Variants in ABCC1 observed in about 807,000 individuals in gnomAD.
ABCC1 encodes the protein multidrug resistance-associated protein 1.
A neutral mutation model predicts 172.9 loss-of-function variants in ABCC1; 83 were observed. The ratio of observed to expected loss-of-function variants is 0.48; its 90% CI spans 0.40 to 0.58. The LOEUF (loss-of-function observed/expected upper bound fraction) is 0.58. ABCC1 is among the 20% of genes least tolerant of loss of function. The pLI is 0.00. For missense variants in ABCC1, 1,817 were observed against 2,002.7 expected, an observed-to-expected ratio of 0.91 and a Z score of 1.77; for synonymous variants, 937 against 825.2, an observed-to-expected ratio of 1.14 and a Z score of -2.32.
At chr16:15,992,684 A>G (rs950694075) in intron 1 of ABCC1, among the ~76,000 whole-genome samples, 4 of 152,192 alleles carry the variant, frequency 2.6e-5, no homozygotes, top group Non-Finnish European at 5.9e-5. Context: ...TACAGGCGTG[A>G]GCCACTGTGC....
At chr16:16,124,660 ACTCT>A (rs2045356259) in intron 24 of ABCC1, 125 bp from the exon 25 acceptor site, 1 of 1,333,980 alleles carries the variant, frequency 7.5e-7, no homozygotes, top group Non-Finnish European at 1.0e-6. Flanking sequence ...GCCAGGAAGG[ACTCT>A]CTCTGGAATT....
intron 1 of ABCC1, among the ~76,000 whole-genome samples, chr16:15,983,877 A>G (rs1462830376): frequency 1.3e-5 from 2 of 152,016 alleles, no homozygotes; most frequent in African/African-American, 4.8e-5. Context: ...TTTAAAGACT[A>G]AATTCCCTTA....
intron 27 of ABCC1, among the ~76,000 whole-genome samples, chr16:16,132,523 T>G (rs1163051651): frequency 1.7e-3 from 214 of 126,322 alleles, no homozygotes; most frequent in African/African-American, 5.8e-3. Flanking sequence ...TTTTTTTTTT[T>G]TTTTTTTTTT....
chr16:16,122,253 C>T, intron 24 of ABCC1, 79 bp downstream of exon 24: 1 of 1,510,020 alleles, frequency 6.6e-7, no homozygotes. Flanking sequence ...CTTTTCCTCG[C>T]ACCTTGAGCT....
intron 1 of ABCC1, among the ~76,000 whole-genome samples, chr16:15,956,695 A>G (rs2046005414): frequency 6.6e-6 from 1 of 152,192 alleles, no homozygotes; most frequent in South Asian, 2.1e-4. Flanking sequence ...CAAGGTAGAG[A>G]AAAGAAAATG....
intron 1 of ABCC1, among the ~76,000 whole-genome samples, chr16:15,982,846 G>A (rs1021420001): frequency 3.0e-5 from 4 of 132,780 alleles, no homozygotes; most frequent in African/African-American, 8.1e-5. Context: ...CTTAGCCTGT[G>A]TGCTGTACAA....
intron 28 of ABCC1, among the ~76,000 whole-genome samples, chr16:16,135,066 T>G (rs987436053): frequency 2.0e-5 from 3 of 152,208 alleles, no homozygotes; most frequent in Non-Finnish European, 4.4e-5. Context: ...AGGGGTAGTT[T>G]CAGAGCATCT....
intron 24 of ABCC1, among the ~76,000 whole-genome samples, chr16:16,122,651 C>T (rs2045220288): frequency 6.8e-6 from 1 of 147,564 alleles, no homozygotes; most frequent in Non-Finnish European, 1.5e-5. Context: ...GAGGCTGAGG[C>T]AGGAGGATCC....
At position 16,068,342 on chromosome 16, in the gene ABCC1, T is replaced by C. The variant is rs1002773851; in HGVS notation, c.1824+40T>C. ...TGGGGCGACTTCCGAGAGGGGGCCTTGGGGTTCTAGGCCACGAAAGCATGG... is the reference window on the plus strand; with the variant it reads ...TGGGGCGACTTCCGAGAGGGGGCCTCGGGGTTCTAGGCCACGAAAGCATGG... On this transcript the variant is annotated intron_variant, in intron 13 of 30. Transcript: ENST00000399410. The C allele has an allele frequency of 1.9e-6, 3 of 1,608,834 alleles. No homozygotes were observed. In the South Asian group the frequency reaches 3.3e-5, roughly 18 times the overall value.
chr16:16,127,710 C>CCTCT (rs1430201584), intron 26 of ABCC1, among the ~76,000 whole-genome samples: 2 of 152,200 alleles, frequency 1.3e-5, no homozygotes, highest in Admixed American at 6.5e-5. Flanking sequence ...GAGACCAAGG[C>CCTCT]CTCTGTAAGG....
At chr16:16,076,432 G>C in intron 15 of ABCC1, 31 bp downstream of exon 15, 1 of 1,572,236 alleles carries the variant, frequency 6.4e-7, no homozygotes, top group East Asian at 2.3e-5. Context: ...ACGTGATGGT[G>C]TGGAGAGAGC....
chr16:16,046,702 T>C (rs777110350), intron 9 of ABCC1, among the ~76,000 whole-genome samples: 1 of 152,078 alleles, frequency 6.6e-6, no homozygotes, highest in Non-Finnish European at 1.5e-5. Flanking sequence ...GGTAAGAGTA[T>C]GTAGCAGGCA....
At position 16,090,499 on chromosome 16, in the gene ABCC1, A is replaced by G; in HGVS notation, c.2555A>G (p.Tyr852Cys). 2 of 1,613,898 alleles carry G rather than the reference A, an allele frequency of 1.2e-6. No homozygotes were observed. Among genetic ancestry groups the G allele is most frequent in the Non-Finnish European group, 8.5e-7 (1 of 1,179,970 alleles). Residue 852 changes from tyrosine (Y) to cysteine (C), a missense_variant, in exon 19 of 31, where the codon TAC becomes TGC. Around this residue, in one of 3 missense-constraint regions of ABCC1, gnomAD observed 1,412 missense variants for 1,600.3 expected, o/e 0.88. Coordinates refer to ENST00000399410, the MANE Select transcript of ABCC1 (RefSeq NM_004996.4). ...GGCAAGATCTCTGAGATGGGCTCCT[A>G]CCAGGAGCTGCTGGCTCGAGACGGC... Reference protein sequence around the residue: ...SGGKISEMGSYQELLARDGAF... With the variant: ...SGGKISEMGSCQELLARDGAF...
chr16:15,993,336 TG>T (rs1567292542), intron 1 of ABCC1, among the ~76,000 whole-genome samples: 1 of 152,184 alleles, frequency 6.6e-6, no homozygotes, highest in African/African-American at 2.4e-5. Flanking sequence ...TTGGGTCACC[TG>T]ATTGAACCCT....
At chr16:16,081,119 C>T (rs190172673) in intron 16 of ABCC1, among the ~76,000 whole-genome samples, 10 of 152,280 alleles carry the variant, frequency 6.6e-5, no homozygotes, top group African/African-American at 2.4e-4. Flanking sequence ...CTCCCCATCT[C>T]GGCTTCCCAA....
intron 16 of ABCC1, among the ~76,000 whole-genome samples, chr16:16,082,243 TCTC>T (rs1302085744): frequency 2.4e-4 from 36 of 152,248 alleles, no homozygotes; most frequent in African/African-American, 7.9e-4. Context: ...TCTTCCCTCT[TCTC>T]CTCATGAAAC....
At chr16:16,115,221 A>G (rs1344776977) in intron 23 of ABCC1, 145 bp downstream of exon 23, 2 of 946,112 alleles carry the variant, frequency 2.1e-6, no homozygotes, top group Non-Finnish European at 3.0e-6. Context: ...TCGAATACCT[A>G]AATTGTTTTT....
intron 1 of ABCC1, among the ~76,000 whole-genome samples, chr16:15,998,540 T>C (rs188269622): frequency 2.8e-3 from 428 of 152,268 alleles, no homozygotes; most frequent in African/African-American, 9.8e-3. Flanking sequence ...TCTGTAACAG[T>C]CATAGTTCAT....
chr16:15,986,924 T>G (rs1258070378), intron 1 of ABCC1, among the ~76,000 whole-genome samples: 1 of 152,088 alleles, frequency 6.6e-6, no homozygotes, highest in Non-Finnish European at 1.5e-5. Context: ...CCTGTAATCC[T>G]AAGGCTGAGG....
Sources: gnomAD v4.1 joint callset for allele counts (sites outside exome capture counted in the v4.1 genomes callset) on GRCh38, gnomAD v4.1.1 for gene constraint, gnomAD v4.1.1 regional missense constraint, MANE v1.5 for transcripts, NCBI Gene and HGNC (gene_info 2026-07-23, HGNC 2026-07-21) for gene names.